SLC22A15: variants seen among roughly 807,000 people sequenced by gnomAD.
The protein encoded by SLC22A15 is solute carrier family 22 member 15, also known as flipt 1.
SLC22A15 carries 45 observed loss-of-function variants against 62.7 expected under a neutral mutation model. The observed-to-expected ratio is 0.72, with a 90% CI of 0.56 to 0.92. The LOEUF is 0.92. SLC22A15 is among the 40% of genes least tolerant of loss of function. The pLI, the probability that SLC22A15 is intolerant of heterozygous loss-of-function variation, is 0.00. For synonymous variants in SLC22A15, 264 were observed against 267.0 expected, an observed-to-expected ratio of 0.99 and a Z score of 0.11; for missense variants, 622 against 665.6, an observed-to-expected ratio of 0.93 and a Z score of 0.72.
intron 8 of SLC22A15, among the ~76,000 whole-genome samples, chr1:116,038,653 A>C (rs4396121): frequency 0.97 from 147,262 of 152,362 alleles, 71,379 homozygotes; most frequent in East Asian, 1. Context: ...TATTGCCCTG[A>C]CATAGACTTG....
intron 4 of SLC22A15, among the ~76,000 whole-genome samples, chr1:116,025,168 G>T (rs960388712): frequency 3.3e-4 from 51 of 152,316 alleles, no homozygotes; most frequent in African/African-American, 1.2e-3. Context: ...GTATGTAACA[G>T]AACTAGGATC....
At chr1:116,014,658 A>G (rs1158326982) in intron 2 of SLC22A15, among the ~76,000 whole-genome samples, 1 of 152,240 alleles carries the variant, frequency 6.6e-6, no homozygotes, top group African/African-American at 2.4e-5. Flanking sequence ...TTGGCCTATT[A>G]TTAACAAAAG....
Position 116,064,489 on chromosome 1 carries a change from C to T in SLC22A15, c.1346C>T (p.Ala449Val). The T allele has an allele frequency of 6.2e-7, 1 of 1,612,604 alleles. No individual in the cohort carries two copies. The highest frequency in any genetic ancestry group is 8.5e-7 in the Non-Finnish European group (1 of 1,178,732). Residue 449 changes from alanine (A) to valine (V), a missense_variant, in exon 10 of 12, where the codon GCT becomes GTT. Ala to Val is a moderately conservative substitution (Grantham distance 64). Coordinates refer to ENST00000369503, the MANE Select transcript of SLC22A15 (RefSeq NM_018420.3). ...SMFSRVGGII[A>V]PFIPSLKYVQ... ...TTCTCCCGAGTTGGTGGGATTATTG[C>T]TCCCTTCATCCCCTCACTGGTTGGT...
Position 116,041,970 on chromosome 1 carries a change from C to G in SLC22A15, c.1171+4582C>G, listed in dbSNP as rs533049886. On this transcript the variant is annotated intron_variant, in intron 8 of 11. Transcript: ENST00000369503. The stretch of plus-strand genomic sequence containing the variant: ...TTTGTTTGTTTGTTTGTTTGTTTTG[C>G]CATAAAAGTGCTTAAAAACAAAACT... Among the ~76,000 whole-genome samples the G allele has an allele frequency of 2.7e-5, 4 of 150,258 alleles. No homozygotes were observed. The East Asian group carries it at 7.8e-4, about 29-fold the overall frequency.
chr1:116,060,770 A>C (rs1658361273), intron 8 of SLC22A15, among the ~76,000 whole-genome samples: 1 of 152,202 alleles, frequency 6.6e-6, no homozygotes, highest in African/African-American at 2.4e-5. Context: ...TCTCAGGGTA[A>C]ATGCTGAAAG....
At chr1:115,994,653 A>G (rs1267391379) in intron 2 of SLC22A15, among the ~76,000 whole-genome samples, 2 of 152,126 alleles carry the variant, frequency 1.3e-5, no homozygotes, top group Non-Finnish European at 1.5e-5. Flanking sequence ...CATTAGCATT[A>G]TTATTGTCTC....
At position 115,992,206 on chromosome 1, in the gene SLC22A15, T is replaced by G; in HGVS notation, c.263T>G (p.Val88Gly). Reference sequence around the variant, plus strand: ...AACGGCAGTGAGATCCATAAGCACGTGCATTTCAGCAGCAGCTTCACCTCC... The same window carrying G: ...AACGGCAGTGAGATCCATAAGCACGGGCATTTCAGCAGCAGCTTCACCTCC... Reference protein sequence around the residue: ...TANGSEIHKHVHFSSSFTSIA... With the variant: ...TANGSEIHKHGHFSSSFTSIA... Residue 88 changes from valine (V) to glycine (G), a missense_variant, in exon 2 of 12, where the codon GTG (valine) becomes GGG (glycine). Val to Gly is a moderately radical substitution (Grantham distance 109). Transcript: ENST00000369503. 1 of 1,605,296 alleles carries G rather than the reference T, an allele frequency of 6.2e-7. No individual in the cohort carries two copies. The highest frequency in any genetic ancestry group is 8.5e-7 in the Non-Finnish European group (1 of 1,175,678).
chr1:116,000,170 G>C (rs1655649707), intron 2 of SLC22A15, among the ~76,000 whole-genome samples: 1 of 151,382 alleles, frequency 6.6e-6, no homozygotes, highest in Admixed American at 6.6e-5. Flanking sequence ...TTGTTTTGTG[G>C]TTTTCTCTTC....
chr1:116,021,323 T>C (rs115853586), intron 4 of SLC22A15, among the ~76,000 whole-genome samples: 3,659 of 152,308 alleles, frequency 0.024, 152 homozygotes, highest in African/African-American at 0.084. Flanking sequence ...ATAGTACTAT[T>C]GTAGCATTTC....
intron 8 of SLC22A15, among the ~76,000 whole-genome samples, chr1:116,054,903 T>G (rs1010157237): frequency 6.6e-6 from 1 of 151,348 alleles, no homozygotes; most frequent in Non-Finnish European, 1.5e-5. Flanking sequence ...ACATTCAAAA[T>G]AGTGTGTAGA....
At chr1:116,031,968 G>A (rs1423242542) in intron 6 of SLC22A15, 1 of 1,062,650 alleles carries the variant, frequency 9.4e-7, no homozygotes, top group Non-Finnish European at 1.1e-6. Context: ...CTTACCTTTG[G>A]CACTGGCATC....
At chr1:115,995,550 C>T (rs1655380561) in intron 2 of SLC22A15, among the ~76,000 whole-genome samples, 1 of 152,122 alleles carries the variant, frequency 6.6e-6, no homozygotes, top group African/African-American at 2.4e-5. Context: ...TGTGCCCAGC[C>T]CAAAATGGTT....
intron 2 of SLC22A15, among the ~76,000 whole-genome samples, chr1:116,017,907 C>T (rs1303612401): frequency 6.6e-6 from 1 of 152,166 alleles, no homozygotes; most frequent in Non-Finnish European, 1.5e-5. Context: ...CTAGACAAGA[C>T]TTGAGATAGT....
intron 8 of SLC22A15, 141 bp downstream of exon 8, chr1:116,037,529 C>T: frequency 1.5e-6 from 1 of 659,068 alleles, no homozygotes; most frequent in Non-Finnish European, 2.7e-6. Flanking sequence ...TATAATGGGC[C>T]AGATTCTTTC....
intron 8 of SLC22A15, among the ~76,000 whole-genome samples, chr1:116,061,670 G>A (rs371368697): frequency 6.9e-6 from 1 of 144,198 alleles, no homozygotes; most frequent in Non-Finnish European, 1.5e-5. Flanking sequence ...TTGAAGGGGA[G>A]AGGTTAAACT....
At chr1:115,998,488 C>T (rs530922522) in intron 2 of SLC22A15, among the ~76,000 whole-genome samples, 176 of 152,112 alleles carry the variant, frequency 1.2e-3, no homozygotes, top group African/African-American at 4.1e-3. Flanking sequence ...TCTATTTAGG[C>T]TTTGGAGTTC....
intron 2 of SLC22A15, among the ~76,000 whole-genome samples, chr1:116,010,348 G>A (rs577803657): frequency 4.0e-5 from 6 of 151,752 alleles, no homozygotes; most frequent in East Asian, 1.9e-4. Context: ...CATACCCTGG[G>A]GTCAAAAGAC....
chr1:116,018,973 C>T (rs2101303701), intron 2 of SLC22A15, among the ~76,000 whole-genome samples: 1 of 152,262 alleles, frequency 6.6e-6, no homozygotes, highest in East Asian at 1.9e-4. Flanking sequence ...TTCCTTCATC[C>T]ATCGATAGAC....
intron 4 of SLC22A15, among the ~76,000 whole-genome samples, chr1:116,024,777 C>G (rs1657009137): frequency 6.6e-6 from 1 of 152,096 alleles, no homozygotes; most frequent in African/African-American, 2.4e-5. Context: ...CCCAGCAGCT[C>G]CAAGTCTAGT....
Sources: gnomAD v4.1 joint callset for allele counts (sites outside exome capture counted in the v4.1 genomes callset) on GRCh38, gnomAD v4.1.1 for gene constraint, MANE v1.5 for transcripts, NCBI Gene and HGNC (gene_info 2026-07-23, HGNC 2026-07-21) for gene names.